Variants in TMEM135 observed in about 807,000 individuals in gnomAD.
TMEM135 encodes peroxisomal membrane protein 52.
Under a neutral mutation model 60.3 loss-of-function variants are expected in TMEM135, and 30 were observed. That is an observed-to-expected ratio of 0.50 (90% CI 0.37 to 0.68). The LOEUF (loss-of-function observed/expected upper bound fraction) is 0.68. Ranked by LOEUF, TMEM135 falls within the 30% of genes least tolerant of loss-of-function variation. TMEM135 has a pLI of 0.00. For missense variants in TMEM135, 468 were observed against 548.8 expected, an observed-to-expected ratio of 0.85 and a Z score of 1.47; for synonymous variants, 190 against 186.7, an observed-to-expected ratio of 1.02 and a Z score of -0.14.
chr11:87,161,121 A>G (rs899837546), intron 5 of TMEM135, among the ~76,000 whole-genome samples: 1 of 152,064 alleles, frequency 6.6e-6, no homozygotes, highest in Admixed American at 6.6e-5. Context: ...CATGGTCTCC[A>G]TCTCTTGACC....
chr11:87,197,952 T>C (rs1591096564), intron 5 of TMEM135, among the ~76,000 whole-genome samples: 1 of 114,614 alleles, frequency 8.7e-6, no homozygotes, highest in Non-Finnish European at 2.0e-5. Flanking sequence ...TTTATTTTTA[T>C]TTTTTTAGGT....
chr11:87,081,425 CA>C (rs1314937599), intron 3 of TMEM135, among the ~76,000 whole-genome samples: 2 of 152,142 alleles, frequency 1.3e-5, no homozygotes, highest in Non-Finnish European at 2.9e-5. Flanking sequence ...TACTACCTCT[CA>C]AAATGTGGCA....
At chr11:87,198,515 G>A (rs796145539) in intron 5 of TMEM135, among the ~76,000 whole-genome samples, 20 of 129,374 alleles carry the variant, frequency 1.5e-4, no homozygotes, top group African/African-American at 5.9e-4. Flanking sequence ...TCTCCTCCCC[G>A]CTCTGTTTCT....
At chr11:87,257,049 A>T (rs1941540835) in intron 6 of TMEM135, among the ~76,000 whole-genome samples, 1 of 152,216 alleles carries the variant, frequency 6.6e-6, no homozygotes, top group African/African-American at 2.4e-5. Flanking sequence ...TTCTTATACT[A>T]ATCTTCAGTT....
intron 4 of TMEM135, among the ~76,000 whole-genome samples, chr11:87,131,665 A>G (rs1159224222): frequency 6.6e-5 from 10 of 152,166 alleles, no homozygotes; most frequent in Non-Finnish European, 1.2e-4. Flanking sequence ...TTTGCCACAT[A>G]CAGTGTGTCC....
chr11:87,102,937 C>G (rs1857497204), intron 4 of TMEM135, among the ~76,000 whole-genome samples: 4 of 152,082 alleles, frequency 2.6e-5, no homozygotes, highest in South Asian at 4.2e-4. Flanking sequence ...ATCACAACCC[C>G]CTCTTCCCTT....
At chr11:87,229,828 T>C (rs1940852263) in intron 5 of TMEM135, among the ~76,000 whole-genome samples, 2 of 152,184 alleles carry the variant, frequency 1.3e-5, no homozygotes, top group African/African-American at 4.8e-5. Flanking sequence ...TCTATAAAAG[T>C]CCAAAAGTCT....
At chr11:87,130,002 C>T (rs1199049940) in intron 4 of TMEM135, among the ~76,000 whole-genome samples, 1 of 151,928 alleles carries the variant, frequency 6.6e-6, no homozygotes, top group African/African-American at 2.4e-5. Flanking sequence ...AGTGTATACT[C>T]CAAGATAATG....
rs1018213975 is a variant in TMEM135 at position 87,075,181 on chromosome 11, C to T, written c.362+3566C>T. On this transcript the variant is annotated intron_variant, in intron 3 of 14. Transcript: ENST00000305494. ...TTTAATTAGTTTATTTTTTTTGAGA[C>T]GGAGTCTCGCTCTGTCTCCCAGGCT... Among the ~76,000 whole-genome samples the T allele has an allele frequency of 2.0e-4, 30 of 152,040 alleles. 1 individual carries two copies. The highest frequency in any genetic ancestry group is 7.0e-4 in the African/African-American group (29 of 41,468).
In TMEM135 at chr11:87,208,978, A is replaced by T. The variant is rs143843160; in HGVS notation, c.463-27660A>T. 1.9e-3 allele frequency among the ~76,000 whole-genome samples: 292 copies of T among 152,340 alleles called. 1 individual carries two copies. Among genetic ancestry groups the T allele is most frequent in the African/African-American group, 6.7e-3 (278 of 41,568 alleles). On this transcript the variant is annotated intron_variant, in intron 5 of 14. Transcript: ENST00000305494. ...CCCTCCAATCTAAGCTTCATAAAGC[A>T]AAGGAGGAATGAAATCCTTTTCAGA...
chr11:87,236,715 A>G (rs748010740), intron 6 of TMEM135, 31 bp downstream of exon 6: 2 of 1,583,714 alleles, frequency 1.3e-6, no homozygotes, highest in East Asian at 2.2e-5. Context: ...TTACTTTAAT[A>G]CCCCAAACAG....
intron 4 of TMEM135, among the ~76,000 whole-genome samples, chr11:87,148,077 G>C (rs1938462969): frequency 1.3e-5 from 2 of 152,128 alleles, no homozygotes; most frequent in African/African-American, 4.8e-5. Flanking sequence ...TTTAAACAAA[G>C]ACATTGTAGA....
chr11:87,313,230 A>C (rs1306058319), intron 10 of TMEM135, among the ~76,000 whole-genome samples, 195 bp from the exon 11 acceptor site: 1 of 151,786 alleles, frequency 6.6e-6, no homozygotes, highest in African/African-American at 2.4e-5. Context: ...TTCTTAATAG[A>C]GTCTATAGAG....
chr11:87,267,911 C>T (rs1159758443), intron 6 of TMEM135, among the ~76,000 whole-genome samples: 1 of 151,950 alleles, frequency 6.6e-6, no homozygotes, highest in Non-Finnish European at 1.5e-5. Flanking sequence ...AGAATGGTCT[C>T]GAACTCCTGA....
In TMEM135 at chr11:87,148,413, C is replaced by T. The variant is rs539363227; in HGVS notation, c.397-8928C>T. On this transcript the variant is annotated intron_variant, in intron 4 of 14. Transcript: ENST00000305494. Reference sequence around the variant, plus strand: ...TCCTTAAAAATGTTGGTGGGAAGAGCTGATGAAATAAATAAGTTGGGAACA... The same window carrying T: ...TCCTTAAAAATGTTGGTGGGAAGAGTTGATGAAATAAATAAGTTGGGAACA... Among the ~76,000 whole-genome samples, 8 of 152,218 alleles carry T rather than the reference C, an allele frequency of 5.3e-5. No homozygotes were observed. In the South Asian group the frequency reaches 1.7e-3, roughly 32 times the overall value.
chr11:87,217,129 G>A (rs965846523), intron 5 of TMEM135, among the ~76,000 whole-genome samples: 5 of 152,174 alleles, frequency 3.3e-5, no homozygotes, highest in African/African-American at 1.2e-4. Context: ...ATGTTTTTGA[G>A]AATATAAAAG....
At chr11:87,135,705 G>C (rs1591046658) in intron 4 of TMEM135, among the ~76,000 whole-genome samples, 1 of 149,630 alleles carries the variant, frequency 6.7e-6, no homozygotes, top group East Asian at 1.9e-4. Context: ...TTTAAGTATT[G>C]TTTTTGACTG....
chr11:87,175,489 C>T (rs1939344463), intron 5 of TMEM135, among the ~76,000 whole-genome samples: 1 of 152,188 alleles, frequency 6.6e-6, no homozygotes, highest in Non-Finnish European at 1.5e-5. Flanking sequence ...GTGTGCCTTT[C>T]TACACTGAGA....
intron 4 of TMEM135, among the ~76,000 whole-genome samples, chr11:87,114,862 T>TAATA (rs899236623): frequency 3.3e-5 from 5 of 152,200 alleles, no homozygotes; most frequent in African/African-American, 1.2e-4. Context: ...GCAGTACTTG[T>TAATA]AATAGCATGC....
Sources: allele counts gnomAD v4.1 joint callset (sites outside exome capture counted in the v4.1 genomes callset), GRCh38; gene constraint gnomAD v4.1.1; transcripts MANE v1.5; gene names NCBI Gene and HGNC (gene_info 2026-07-23, HGNC 2026-07-21).